ANKRD30B: variants seen among roughly 807,000 people sequenced by gnomAD.
ANKRD30B encodes the protein ankyrin repeat domain-containing protein 30B.
A neutral mutation model predicts 202.2 loss-of-function variants in ANKRD30B; 144 were observed. That is an observed-to-expected ratio of 0.71 (90% CI 0.62 to 0.82). The LOEUF (loss-of-function observed/expected upper bound fraction) is 0.82, where lower values mean the gene tolerates loss of function less well. ANKRD30B is among the 40% of genes least tolerant of loss of function. ANKRD30B has a pLI of 0.00. For synonymous variants in ANKRD30B, 508 were observed against 561.3 expected, an observed-to-expected ratio of 0.91 and a Z score of 1.34; for missense variants, 1,487 against 1,669.1, an observed-to-expected ratio of 0.89 and a Z score of 1.90.
chr18:14,817,194 T>C (rs1462533394), intron 30 of ANKRD30B: 4 of 152,206 alleles, frequency 2.6e-5, no homozygotes, highest in African/African-American at 9.7e-5. Context: ...CAAGGTTTTG[T>C]TTAAGTGTAT....
chr18:14,763,610 T>A (rs943212658), intron 6 of ANKRD30B, 76 bp from the exon 7 acceptor site: 3 of 1,559,608 alleles, frequency 1.9e-6, no homozygotes, highest in African/African-American at 1.4e-5. Flanking sequence ...ACAGAATAAG[T>A]AGAAGTTTGC....
chr18:14,788,810 T>C (rs1968267374), intron 15 of ANKRD30B, among the ~76,000 whole-genome samples: 2 of 152,124 alleles, frequency 1.3e-5, no homozygotes, highest in South Asian at 2.1e-4. Flanking sequence ...GACATTTGGG[T>C]TGGTTCCAAG....
rs769740864 is a variant in ANKRD30B at position 14,809,989 on chromosome 18, C to T, written c.2390C>T (p.Ser797Phe). The change falls in exon 27 of 44, where the codon TCT becomes TTT. Residue 797 changes from serine (S) to phenylalanine (F), a missense_variant. Transcript: ENST00000690538. The part of the protein sequence containing the change: ...LKDRETLKAE[S>F]PDKDGLLKPT... Reference sequence around the variant, plus strand: ...ATATATGTCCCTTTTCTTTTAGAGTCTCCTGATAAAGATGGTCTTCTGAAG... The same window carrying T: ...ATATATGTCCCTTTTCTTTTAGAGTTTCCTGATAAAGATGGTCTTCTGAAG... 30 of 1,421,532 alleles carry T rather than the reference C, an allele frequency of 2.1e-5. 1 individual carries two copies. Among genetic ancestry groups the T allele is most frequent in the Middle Eastern group, 1.8e-4 (1 of 5,550 alleles). 88.1% of individuals were successfully genotyped at this position (1,421,532 alleles called of 1,614,324 possible).
rs1245516353 is a variant in ANKRD30B at position 14,749,392 on chromosome 18, C to T, written c.221+752C>T. Among the ~76,000 whole-genome samples the T allele has an allele frequency of 1.3e-5, 2 of 152,116 alleles. 1 individual carries two copies. The highest frequency in any genetic ancestry group is 4.1e-4 in the South Asian group (2 of 4,828). ...GCGCTATTAATTTGCACAAAATGGGCCAGGAGCGGTGGCTCACGCCTGTAA... is the reference window on the plus strand; with the variant it reads ...GCGCTATTAATTTGCACAAAATGGGTCAGGAGCGGTGGCTCACGCCTGTAA... On this transcript the variant is annotated intron_variant, in intron 1 of 43. Transcript: ENST00000690538.
chr18:14,907,658 A>T, the ANKRD30B span, among the ~76,000 whole-genome samples: 1 of 152,312 alleles, frequency 6.6e-6, no homozygotes, highest in East Asian at 1.9e-4. Context: ...AGGCTGTCTG[A>T]TTGATGGATC....
At chr18:14,906,130 C>T in the ANKRD30B span, among the ~76,000 whole-genome samples, 1 of 151,982 alleles carries the variant, frequency 6.6e-6, no homozygotes. Context: ...TTTAAAGTGG[C>T]ATAAAGAACA....
the ANKRD30B span, among the ~76,000 whole-genome samples, chr18:14,888,020 T>C: frequency 6.6e-6 from 1 of 152,148 alleles, no homozygotes; most frequent in African/African-American, 2.4e-5. Context: ...ATACAAGATT[T>C]TTGGAAACAT....
chr18:14,889,737 G>GAA, the ANKRD30B span, among the ~76,000 whole-genome samples: 1 of 149,818 alleles, frequency 6.7e-6, no homozygotes, highest in Non-Finnish European at 1.5e-5. Flanking sequence ...TTTAGAGCTG[G>GAA]AAGGATCCTT....
chr18:14,833,005 C>T (rs1364107764), intron 34 of ANKRD30B, among the ~76,000 whole-genome samples: 2 of 146,284 alleles, frequency 1.4e-5, no homozygotes, highest in Non-Finnish European at 3.0e-5. Flanking sequence ...GGCGTGATCT[C>T]GGCTGACTGC....
intron 5 of ANKRD30B, among the ~76,000 whole-genome samples, chr18:14,759,721 G>C (rs1453991617): frequency 1.3e-5 from 2 of 152,196 alleles, no homozygotes; most frequent in Non-Finnish European, 2.9e-5. Flanking sequence ...AGGATAATCA[G>C]GTTATCCAAT....
chr18:14,879,493 A>T, the ANKRD30B span, among the ~76,000 whole-genome samples: 2 of 152,206 alleles, frequency 1.3e-5, no homozygotes, highest in African/African-American at 4.8e-5. Flanking sequence ...TAAGACAGCG[A>T]TCATAACAAT....
chr18:14,758,240 T>G (rs1441454193), intron 5 of ANKRD30B, among the ~76,000 whole-genome samples: 2 of 152,214 alleles, frequency 1.3e-5, no homozygotes, highest in African/African-American at 4.8e-5. Flanking sequence ...AAATGTCCAC[T>G]TCGGCAGAAA....
chr18:14,849,110 A>C (rs1264322087), intron 40 of ANKRD30B, among the ~76,000 whole-genome samples, 181 bp downstream of exon 40: 1 of 151,960 alleles, frequency 6.6e-6, no homozygotes, highest in Non-Finnish European at 1.5e-5. Context: ...ACTGATAATT[A>C]ATGCATATTT....
Position 14,751,615 on chromosome 18 carries a change from C to A in ANKRD30B, c.222-951C>A, listed in dbSNP as rs1392209656. Among the ~76,000 whole-genome samples, 3 of 152,198 alleles carry A rather than the reference C, an allele frequency of 2.0e-5. No individual in the cohort carries two copies. In the East Asian group the frequency reaches 5.8e-4, roughly 29 times the overall value. ...CAAAAATACCTAATTTACATGCATT[C>A]TATAAATCTAAATATGAATTTCCAT... On this transcript the variant is annotated intron_variant, in intron 1 of 43. Coordinates refer to ENST00000690538, the MANE Select transcript of ANKRD30B (RefSeq NM_001367607.2).
the ANKRD30B span, among the ~76,000 whole-genome samples, chr18:14,938,656 G>T: frequency 3.3e-5 from 5 of 152,156 alleles, no homozygotes; most frequent in African/African-American, 1.2e-4. Flanking sequence ...CTTGAACCTC[G>T]CTGACCAGAT....
At chr18:14,793,522 T>A (rs1968665216) in intron 16 of ANKRD30B, among the ~76,000 whole-genome samples, 1 of 151,808 alleles carries the variant, frequency 6.6e-6, no homozygotes, top group Non-Finnish European at 1.5e-5. Context: ...AAATCATATA[T>A]AAATGGGTGT....
At position 14,851,465 on chromosome 18, in the gene ANKRD30B, C is replaced by T. The variant is rs144648357; in HGVS notation, c.3565-44C>T. Reference sequence around the variant, plus strand: ...TAATTTCAGAGGAACTATGATATGCCATTTTATTGAGTGCTAGTTAAATTT... The same window carrying T: ...TAATTTCAGAGGAACTATGATATGCTATTTTATTGAGTGCTAGTTAAATTT... On this transcript the variant is annotated intron_variant, in intron 41 of 43. Coordinates refer to ENST00000690538, the MANE Select transcript of ANKRD30B (RefSeq NM_001367607.2). 187 of 1,457,378 alleles carry T rather than the reference C, an allele frequency of 1.3e-4. No individual in the cohort carries two copies. The East Asian group carries it at 4.4e-3, about 34-fold the overall frequency. The allele number at this position is 1,457,378 out of a possible 1,614,324, so 90.3% of individuals were successfully genotyped here.
chr18:14,786,028 G>C (rs1230917260), intron 14 of ANKRD30B, among the ~76,000 whole-genome samples: 3 of 109,474 alleles, frequency 2.7e-5, no homozygotes, highest in Admixed American at 3.0e-4. Context: ...CTGGGCGACA[G>C]AGCGAGACTC....
intron 16 of ANKRD30B, among the ~76,000 whole-genome samples, chr18:14,791,834 T>C (rs1598625008): frequency 3.9e-5 from 6 of 152,182 alleles, no homozygotes; most frequent in African/African-American, 1.4e-4. Flanking sequence ...GTTTATATAA[T>C]GGAGGATGGT....
Sources: allele counts gnomAD v4.1 joint callset (sites outside exome capture counted in the v4.1 genomes callset), GRCh38; gene constraint gnomAD v4.1.1; transcripts MANE v1.5; gene names NCBI Gene and HGNC (gene_info 2026-07-23, HGNC 2026-07-21).